Variants in MRPL21 observed in about 807,000 individuals in gnomAD.
The protein encoded by MRPL21 is mitochondrial ribosomal protein L21.
A neutral mutation model predicts 27.3 loss-of-function variants in MRPL21; 20 were observed. That is an observed-to-expected ratio of 0.73 (90% CI 0.52 to 1.06). MRPL21 has a LOEUF of 1.06. MRPL21 is among the 50% of genes least tolerant of loss of function. The pLI is 0.00. For missense variants in MRPL21, 249 were observed against 251.4 expected (o/e 0.99, Z 0.06); for synonymous variants, 98 against 101.5 (o/e 0.97, Z 0.21).
intron 2 of MRPL21, among the ~76,000 whole-genome samples, chr11:68,899,971 C>T (rs1291479334): frequency 1.3e-5 from 2 of 152,228 alleles, no homozygotes; most frequent in Non-Finnish European, 2.9e-5. Context: ...CTGTGAGGGG[C>T]AGCCGGAACT....
At position 68,898,563 on chromosome 11, in the gene MRPL21, C is replaced by T. The variant is rs535922836; in HGVS notation, c.147-551G>A. The stretch of plus-strand genomic sequence containing the variant: ...AGGTGAGTGCCAGGCAGAACTGGCT[C>T]GGAACCCCAGACAATTCTGTGTCCT... On this transcript the variant is annotated intron_variant, in intron 2 of 6. Transcript: ENST00000362034. 2.9e-4 allele frequency among the ~76,000 whole-genome samples: 44 copies of T among 152,310 alleles called. No homozygotes were observed. The East Asian group carries it at 2.9e-3, about 10-fold the overall frequency.
intron 1 of MRPL21, among the ~76,000 whole-genome samples, chr11:68,903,342 T>G (rs902384904): frequency 6.6e-6 from 1 of 152,198 alleles, no homozygotes; most frequent in African/African-American, 2.4e-5. Context: ...TCCATCACCA[T>G]TTTTCAGACC....
chr11:68,903,177 T>A (rs1230402159), intron 1 of MRPL21, among the ~76,000 whole-genome samples: 1 of 152,188 alleles, frequency 6.6e-6, no homozygotes, highest in African/African-American at 2.4e-5. Flanking sequence ...AAAACATACA[T>A]AAACACTCAT....
intron 4 of MRPL21, among the ~76,000 whole-genome samples, chr11:68,894,219 G>A (rs1445082255): frequency 3.3e-5 from 5 of 152,026 alleles, no homozygotes; most frequent in Admixed American, 1.3e-4. Flanking sequence ...TCTCAATGCC[G>A]GGAAATCACG....
intron 2 of MRPL21, among the ~76,000 whole-genome samples, chr11:68,899,316 A>G (rs1416465073): frequency 6.6e-6 from 1 of 152,060 alleles, no homozygotes; most frequent in Non-Finnish European, 1.5e-5. Flanking sequence ...CAGTCTTTCT[A>G]CTCCAGGGTT....
At chr11:68,891,956 G>T in intron 6 of MRPL21, 2 of 700,982 alleles carry the variant, frequency 2.9e-6, no homozygotes, top group Non-Finnish European at 4.2e-6. Flanking sequence ...CCTCAGTGCA[G>T]ACCTGCTAGG....
At chr11:68,900,370 C>T (rs1857903568) in intron 2 of MRPL21, among the ~76,000 whole-genome samples, 178 bp downstream of exon 2, 2 of 152,140 alleles carry the variant, frequency 1.3e-5, no homozygotes, top group South Asian at 4.2e-4. Flanking sequence ...GGCGGGAGGA[C>T]CACTTTAGGC....
In MRPL21 at chr11:68,896,776, A is replaced by G; in HGVS notation, c.233-98T>C. The G allele has an allele frequency of 2.6e-6, 4 of 1,516,078 alleles. No individual in the cohort carries two copies. In the South Asian group the frequency reaches 4.9e-5, roughly 18 times the overall value. 93.9% of individuals were successfully genotyped at this position (1,516,078 alleles called of 1,614,324 possible). ...TCCTGGTGGTGGGGCCCTAGGGTGGACCTGACAGCCAGCACCCCTTGTGAG... is the reference window on the plus strand; with the variant it reads ...TCCTGGTGGTGGGGCCCTAGGGTGGGCCTGACAGCCAGCACCCCTTGTGAG... On this transcript the variant is annotated intron_variant, in intron 3 of 6. Transcript: ENST00000362034.
Position 68,893,007 on chromosome 11 carries a change from A to G in MRPL21, c.450-14T>C. On this transcript the variant is annotated splice_polypyrimidine_tract_variant and intron_variant, in intron 5 of 6. Transcript: ENST00000362034. ...ACAAGATCCTTTCTAGAAGGAAGAA[A>G]AATCAACAATAATGTACCTTTTGGA... 6.4e-7 allele frequency: 1 copy of G among 1,552,856 alleles called. No homozygotes were observed. Among genetic ancestry groups the G allele is most frequent in the Non-Finnish European group, 8.7e-7 (1 of 1,153,394 alleles).
At chr11:68,893,677 T>C (rs1047370464) in intron 4 of MRPL21, among the ~76,000 whole-genome samples, 1 of 152,204 alleles carries the variant, frequency 6.6e-6, no homozygotes, top group Admixed American at 6.5e-5. Flanking sequence ...CTAAGGGAAA[T>C]GCTCCAACCC....
rs556726235 is a variant in MRPL21 at position 68,903,819 on chromosome 11, C to T, written c.-9G>A. 9.3e-6 allele frequency: 15 copies of T among 1,612,678 alleles called. No individual in the cohort carries two copies. The South Asian group carries it at 1.5e-4, about 17-fold the overall frequency. ...AGGGAAGATGCTGCCATGGCCGCAGCCTCGGCCGGAAACGGAAACGACGCG... is the reference window on the plus strand; with the variant it reads ...AGGGAAGATGCTGCCATGGCCGCAGTCTCGGCCGGAAACGGAAACGACGCG... On this transcript the variant is annotated 5_prime_UTR_variant, in exon 1 of 7. Transcript: ENST00000362034.
At chr11:68,903,252 C>G (rs1037284628) in intron 1 of MRPL21, among the ~76,000 whole-genome samples, 1 of 152,146 alleles carries the variant, frequency 6.6e-6, no homozygotes, top group Non-Finnish European at 1.5e-5. Flanking sequence ...CGGACATAAC[C>G]TTTTTGGAGC....
intron 2 of MRPL21, among the ~76,000 whole-genome samples, chr11:68,898,477 TG>T (rs1356796568): frequency 6.6e-6 from 1 of 152,200 alleles, no homozygotes; most frequent in Non-Finnish European, 1.5e-5. Context: ...AACAGGACCA[TG>T]ACGTTCCCTG....
intron 2 of MRPL21, among the ~76,000 whole-genome samples, chr11:68,899,911 C>T (rs1044981602): frequency 1.3e-5 from 2 of 152,146 alleles, no homozygotes; most frequent in Non-Finnish European, 2.9e-5. Context: ...AACACCCATG[C>T]AGATAGAAAT....
intron 1 of MRPL21, 150 bp downstream of exon 1, chr11:68,903,573 G>A: frequency 1.3e-6 from 1 of 764,052 alleles, no homozygotes; most frequent in East Asian, 2.5e-5. Flanking sequence ...TCTGAACCTG[G>A]GTTCCCCCGA....
rs896386997 is a variant in MRPL21 at position 68,903,728 on chromosome 11, C to G, written c.83G>C (p.Gly28Ala). The part of the protein sequence containing the change: ...SHSILRPSGP[G>A]AASLWSASRR... Reference sequence around the variant, plus strand: ...TCCCATATCCCAGGTCTCACCTGCTCCGGGCCCCGAAGGTCTCAGGATGCT... The same window carrying G: ...TCCCATATCCCAGGTCTCACCTGCTGCGGGCCCCGAAGGTCTCAGGATGCT... The change falls in exon 1 of 7, where the codon GGA (glycine) becomes GCA (alanine). Residue 28 changes from glycine (G) to alanine (A), a missense_variant. Gly to Ala is a moderately conservative substitution (Grantham distance 60, BLOSUM62 0). Coordinates refer to ENST00000362034, the MANE Select transcript of MRPL21 (RefSeq NM_181514.2). 3 of 1,613,320 alleles carry G rather than the reference C, an allele frequency of 1.9e-6. No individual in the cohort carries two copies. The South Asian group carries it at 3.3e-5, about 18-fold the overall frequency.
Position 68,891,864 on chromosome 11 carries a change from G to A in MRPL21, c.554-469C>T. The stretch of plus-strand genomic sequence containing the variant: ...ACTGCAGTTATAGCAAGAGCTGTGA[G>A]GGACAGAATTCTGCAGCCGCTCAGC... On this transcript the variant is annotated intron_variant, in intron 6 of 6. Coordinates refer to ENST00000362034, the MANE Select transcript of MRPL21 (RefSeq NM_181514.2). The A allele has an allele frequency of 1.1e-5, 5 of 474,986 alleles. No homozygotes were observed. In the Admixed American group the frequency reaches 1.5e-4, roughly 14 times the overall value. The allele number at this position is 474,986 out of a possible 1,614,324, so 29.4% of individuals were successfully genotyped here.
intron 2 of MRPL21, among the ~76,000 whole-genome samples, chr11:68,899,714 ACTT>A (rs1490947571): frequency 2.0e-5 from 3 of 152,114 alleles, no homozygotes; most frequent in Non-Finnish European, 4.4e-5. Context: ...CTCACTTACA[ACTT>A]CTTCCTATGC....
At chr11:68,902,191 C>G (rs1426251908) in intron 1 of MRPL21, among the ~76,000 whole-genome samples, 1 of 152,214 alleles carries the variant, frequency 6.6e-6, no homozygotes, top group Admixed American at 6.5e-5. Flanking sequence ...TGTCTCTACT[C>G]GCTTCACTGT....
Sources: gnomAD v4.1 joint callset for allele counts (sites outside exome capture counted in the v4.1 genomes callset) on GRCh38, gnomAD v4.1.1 for gene constraint, MANE v1.5 for transcripts, NCBI Gene and HGNC (gene_info 2026-07-23, HGNC 2026-07-21) for gene names.